NOA1: variants seen among roughly 807,000 people sequenced by gnomAD.
The protein encoded by NOA1 is nitric oxide associated 1.
NOA1 carries 35 observed loss-of-function variants against 58.4 expected under a neutral mutation model. The ratio of observed to expected loss-of-function variants is 0.60; its 90% CI spans 0.46 to 0.79. NOA1 has a LOEUF of 0.79. NOA1 is among the 30% of genes least tolerant of loss of function. The pLI is 0.00. For missense variants in NOA1, 895 were observed against 894.6 expected, an observed-to-expected ratio of 1.00 and a Z score of -0.01; for synonymous variants, 397 against 373.4, an observed-to-expected ratio of 1.06 and a Z score of -0.73.
intron 5 of NOA1, 75 bp downstream of exon 5, chr4:56,966,545 G>C: frequency 3.5e-6 from 3 of 850,358 alleles, no homozygotes; most frequent in South Asian, 1.5e-5. Flanking sequence ...TACAACAAAG[G>C]CTTTCTTAAC....
chr4:56,968,241 A>G (rs1578538423), intron 4 of NOA1, 143 bp downstream of exon 4: 1 of 903,978 alleles, frequency 1.1e-6, no homozygotes, highest in East Asian at 2.8e-5. Context: ...TATTACAGAA[A>G]TTTTTAAACA....
rs1485498506 is a variant in NOA1 at position 56,976,602 on chromosome 4, G to C, written c.984C>G (p.Ile328Met). ...AGCGCCAGGAGCGCTGAAGGGCAGA[G>C]ATCAACTCTTCCACTCCATAGCCGG... ...AKTGYGVEEL[I>M]SALQRSWRYR... Residue 328 changes from isoleucine to methionine, a missense_variant, in exon 1 of 7, where the codon ATC (isoleucine) becomes ATG (methionine). Ile to Met is a conservative substitution (Grantham distance 10). Transcript: ENST00000264230. 1.2e-6 allele frequency: 2 copies of C among 1,614,104 alleles called. No individual in the cohort carries two copies.
rs1020540200 is a variant in NOA1, at chr4:56,977,157, G to A, written c.429C>T (p.Gly143=). 4 of 1,556,708 alleles carry A rather than the reference G, an allele frequency of 2.6e-6. No homozygotes were observed. Among genetic ancestry groups the A allele is most frequent in the Non-Finnish European group, 3.5e-6 (4 of 1,155,230 alleles). The stretch of plus-strand genomic sequence containing the variant: ...CCTGGCAGTGCAGCTCTGCCCCACA[G>A]CCCGAGCAGTTCACGCCGCTGGGCG... ...ALPPSGVNCS[G]CGAELHCQDA... The change falls in exon 1 of 7, where the codon GGC becomes GGT. Residue 143 remains glycine, a synonymous_variant. Coordinates refer to ENST00000264230, the MANE Select transcript of NOA1 (RefSeq NM_032313.4).
chr4:56,963,554 T>C lies in NOA1; in HGVS notation c.1993A>G (p.Asn665Asp), dbSNP rs1457974558. 1.2e-6 allele frequency: 2 copies of C among 1,614,026 alleles called. No homozygotes were observed. The highest frequency in any genetic ancestry group is 2.2e-5 in the South Asian group (2 of 91,076). Residue 665 changes from asparagine to aspartate, a missense_variant, in exon 7 of 7, where the codon AAC becomes GAC. This residue lies in a region of NOA1 where 212 missense variants were observed against 221.3 expected (regional missense o/e 0.96). Coordinates refer to ENST00000264230, the MANE Select transcript of NOA1 (RefSeq NM_032313.4). ...VRPPLLPYIVNIKGQRIKKSV... is the reference protein window; with the variant it reads ...VRPPLLPYIVDIKGQRIKKSV... ...TTCTTGATGCGCTGTCCTTTGATGTTAACAATATATGGCAAGAGAGGGGGC... is the reference window on the plus strand; with the variant it reads ...TTCTTGATGCGCTGTCCTTTGATGTCAACAATATATGGCAAGAGAGGGGGC...
Position 56,976,993 on chromosome 4 carries a change from C to G in NOA1, c.593G>C (p.Arg198Pro). ...HRRALRLQVS[R>P]EQYLELVSAA... is the part of the protein sequence containing the mutation. ...GCTCACCAGCTCCAGGTACTGCTCG[C>G]GGCTCACCTGCAGGCGTAGAGCGCG... The change falls in exon 1 of 7, where the codon CGC becomes CCC. Residue 198 changes from arginine (R) to proline (P), a missense_variant. Coordinates refer to ENST00000264230, the MANE Select transcript of NOA1 (RefSeq NM_032313.4). 2 of 1,594,624 alleles carry G rather than the reference C, an allele frequency of 1.3e-6. No homozygotes were observed.
chr4:56,977,447 T>A lies in NOA1; in HGVS notation c.139A>T (p.Ser47Cys). 6.2e-7 allele frequency: 1 copy of A among 1,614,108 alleles called. No homozygotes were observed. The highest frequency in any genetic ancestry group is 8.5e-7 in the Non-Finnish European group (1 of 1,180,022). The change falls in exon 1 of 7, where the codon AGT (serine) becomes TGT (cysteine). Residue 47 changes from serine to cysteine, a missense_variant. Ser to Cys is a moderately radical substitution (Grantham distance 112, BLOSUM62 -1). Transcript: ENST00000264230. ...AAASSFQHSSSLGRELPYDPV... is the reference protein window; with the variant it reads ...AAASSFQHSSCLGRELPYDPV... ...TCATAAGGAAGCTCGCGTCCCAGACTCGATGAGTGCTGGAAGGAGGAGGCG... is the reference window on the plus strand; with the variant it reads ...TCATAAGGAAGCTCGCGTCCCAGACACGATGAGTGCTGGAAGGAGGAGGCG...
intron 4 of NOA1, among the ~76,000 whole-genome samples, chr4:56,967,721 T>C (rs931058309): frequency 2.0e-5 from 3 of 152,168 alleles, no homozygotes; most frequent in Admixed American, 2.0e-4. Context: ...GTATACAAAG[T>C]GTGGAATTAA....
chr4:56,964,482 A>G lies in NOA1; in HGVS notation c.1809T>C (p.Leu603=), dbSNP rs762866032. The stretch of plus-strand genomic sequence containing the variant: ...CTTTTAACATAATGTCTTCAGCAAC[A>G]AGAGGAGGAAATCCTGCCATTCGTT... The part of the protein sequence containing the change: ...GKERMAGFPP[L]VAEDIMLKEG... Residue 603 remains leucine, a synonymous_variant, in exon 6 of 7, where the codon CTT becomes CTC. Coordinates refer to ENST00000264230, the MANE Select transcript of NOA1 (RefSeq NM_032313.4). The G allele has an allele frequency of 6.2e-7, 1 of 1,614,160 alleles. No individual in the cohort carries two copies. The highest frequency in any genetic ancestry group is 8.5e-7 in the Non-Finnish European group (1 of 1,180,002).
Position 56,968,463 on chromosome 4 carries a change from G to T in NOA1, c.1568C>A (p.Ser523Tyr). 1.2e-6 allele frequency: 2 copies of T among 1,611,806 alleles called. No individual in the cohort carries two copies. The highest frequency in any genetic ancestry group is 3.3e-4 in the Middle Eastern group (2 of 6,060). Residue 523 changes from serine (S) to tyrosine (Y), a missense_variant, in exon 4 of 7, where the codon TCC (serine) becomes TAC (tyrosine). By Grantham distance (144) the Ser-to-Tyr change is moderately radical. This residue lies in a region of NOA1 where 212 missense variants were observed against 221.3 expected (regional missense o/e 0.96). Coordinates refer to ENST00000264230, the MANE Select transcript of NOA1 (RefSeq NM_032313.4). ...AAGCACAAAAGTTCTTGGAACAATG[G>T]ACTGTGTTGGCAAAACAATATTTAC... is the stretch of plus-strand genomic sequence containing the variant. ...KEVNIVLPTQ[S>Y]IVPRTFVLKP...
intron 3 of NOA1, among the ~76,000 whole-genome samples, chr4:56,970,827 A>T (rs62310291): frequency 0.014 from 2,100 of 152,262 alleles, 27 homozygotes; most frequent in Non-Finnish European, 0.021. Context: ...CTGGTTTAAG[A>T]CATCAAATAA....
intron 1 of NOA1, among the ~76,000 whole-genome samples, chr4:56,975,413 G>T (rs572400487): frequency 1.5e-4 from 22 of 151,614 alleles, no homozygotes; most frequent in African/African-American, 4.8e-4. Context: ...GGCAGATCAC[G>T]TGAGGTCAGG....
At chr4:56,971,645 G>A (rs1336532055) in intron 3 of NOA1, among the ~76,000 whole-genome samples, 2 of 152,166 alleles carry the variant, frequency 1.3e-5, no homozygotes, top group African/African-American at 2.4e-5. Flanking sequence ...CAGATTCGAA[G>A]GAAATGATTA....
Position 56,976,891 on chromosome 4 carries a change from G to C in NOA1, c.695C>G (p.Pro232Arg), listed in dbSNP as rs1279849693. The C allele has an allele frequency of 6.2e-7, 1 of 1,612,896 alleles. No individual in the cohort carries two copies. Among genetic ancestry groups the C allele is most frequent in the Non-Finnish European group, 8.5e-7 (1 of 1,179,830 alleles). The change falls in exon 1 of 7, where the codon CCC (proline) becomes CGC (arginine). Residue 232 changes from proline to arginine, a missense_variant. Pro to Arg is a moderately radical substitution (Grantham distance 103, BLOSUM62 -2). Coordinates refer to ENST00000264230, the MANE Select transcript of NOA1 (RefSeq NM_032313.4). ...DLLDLPDALL[P>R]DLPALVGPKQ... ...GGGGCCCACCAGCGCGGGCAAGTCG[G>C]GCAGCAGGGCGTCGGGCAGGTCCAG...
At chr4:56,964,669 A>G (rs1390801121) in intron 5 of NOA1, 143 bp from the exon 6 acceptor site, 6 of 936,132 alleles carry the variant, frequency 6.4e-6, no homozygotes, top group African/African-American at 1.7e-5. Flanking sequence ...AGAACTTGCA[A>G]TCACTTCTGG....
Position 56,966,745 on chromosome 4 carries a change from A to G in NOA1, c.1648-9T>C, listed in dbSNP as rs750950526. 21 of 1,574,698 alleles carry G rather than the reference A, an allele frequency of 1.3e-5. No individual in the cohort carries two copies. Among genetic ancestry groups the G allele is most frequent in the South Asian group, 4.4e-5 (4 of 90,096 alleles). ...CAAGCTGACTGATTTCCCTTAAGAA[A>G]GGAAGAAGTTATCTGACCTGGTGAA... On this transcript the variant is annotated splice_polypyrimidine_tract_variant and intron_variant, in intron 4 of 6. Coordinates refer to ENST00000264230, the MANE Select transcript of NOA1 (RefSeq NM_032313.4).
intron 3 of NOA1, among the ~76,000 whole-genome samples, chr4:56,969,170 T>C (rs1243007561): frequency 6.6e-6 from 1 of 151,776 alleles, no homozygotes; most frequent in South Asian, 2.1e-4. Context: ...TAGAGAAAAA[T>C]AGAAAAGGAA....
rs544848301 is a variant in NOA1 at position 56,966,115 on chromosome 4, C to T, written c.1764+505G>A. Among the ~76,000 whole-genome samples the T allele has an allele frequency of 4.9e-4, 74 of 151,216 alleles. 1 individual carries two copies. Among genetic ancestry groups the T allele is most frequent in the Middle Eastern group, 6.9e-3 (2 of 290 alleles). ...GATCTTGGCTCACTGCAACCTCTGC[C>T]GCTCTGGTTCAAGTGATTCTCCTGC... On this transcript the variant is annotated intron_variant, in intron 5 of 6. Transcript: ENST00000264230.
At chr4:56,975,455 A>G (rs927983991) in intron 1 of NOA1, among the ~76,000 whole-genome samples, 3 of 147,638 alleles carry the variant, frequency 2.0e-5, no homozygotes, top group African/African-American at 7.5e-5. Context: ...ACATGTTGAA[A>G]CCCTGTCTCT....
At chr4:56,967,239 G>T (rs1280249845) in intron 4 of NOA1, among the ~76,000 whole-genome samples, 1 of 151,878 alleles carries the variant, frequency 6.6e-6, no homozygotes, top group Non-Finnish European at 1.5e-5. Flanking sequence ...AATTAGCTGG[G>T]TGTGGTGATG....
Sources: gnomAD v4.1 joint callset for allele counts (sites outside exome capture counted in the v4.1 genomes callset) on GRCh38, gnomAD v4.1.1 for gene constraint, gnomAD v4.1.1 regional missense constraint, MANE v1.5 for transcripts, NCBI Gene and HGNC (gene_info 2026-07-23, HGNC 2026-07-21) for gene names.